The following DNAH10 variants were observed in gnomAD, a reference collection of about 807,000 sequenced individuals.
The protein encoded by DNAH10 is axonemal beta dynein heavy chain 10.
Under a neutral mutation model 506.6 loss-of-function variants are expected in DNAH10, and 348 were observed. That is an observed-to-expected ratio of 0.69 (90% CI 0.63 to 0.75). The LOEUF is 0.75. Among genes scored for constraint, DNAH10 ranks in the 30% least tolerant of loss-of-function variants. The pLI is 0.00. For missense variants in DNAH10, 5,179 were observed against 5,787.1 expected (o/e 0.89, Z 3.41); for synonymous variants, 2,059 against 2,198.6 (o/e 0.94, Z 1.78).
At chr12:123,894,418 C>T (rs111534340) in intron 53 of DNAH10, among the ~76,000 whole-genome samples, 12,966 of 152,026 alleles carry the variant, frequency 0.085, 690 homozygotes, top group Middle Eastern at 0.14. Flanking sequence ...CACTACTGCC[C>T]GGCTAATTTT....
At chr12:123,927,070 T>C in intron 69 of DNAH10, 1 of 495,754 alleles carries the variant, frequency 2.0e-6, no homozygotes, top group South Asian at 2.4e-5. Flanking sequence ...TGAGACAGGG[T>C]CTCACTCTGT....
At chr12:123,881,956 A>C in intron 51 of DNAH10, 143 bp downstream of exon 51, 1 of 813,526 alleles carries the variant, frequency 1.2e-6, no homozygotes, top group Non-Finnish European at 1.7e-6. Context: ...GGTTTGTTTT[A>C]TTTTTTCTTG....
In DNAH10 at chr12:123,875,389, T is replaced by A. The variant is rs1952213478; in HGVS notation, c.8097T>A (p.Val2699=). The change falls in exon 47 of 79, where the codon GTT becomes GTA. Residue 2699 remains valine, a synonymous_variant. Coordinates refer to ENST00000673944, the MANE Select transcript of DNAH10 (RefSeq NM_001372106.1). ...AGGCTGGAGGAGGCCGCAATGAAGT[T>A]GACCCAAGATTTATTTCGCTATTCA... ...MGKAGGGRNE[V]DPRFISLFSV... is the part of the protein sequence containing the mutation. The A allele has an allele frequency of 2.5e-6, 4 of 1,614,022 alleles. No homozygotes were observed. Among genetic ancestry groups the A allele is most frequent in the Non-Finnish European group, 3.4e-6 (4 of 1,179,896 alleles).
At chr12:123,896,111 T>TCACACACACACACACA (rs112187635) in intron 54 of DNAH10, among the ~76,000 whole-genome samples, 22 of 48,978 alleles carry the variant, frequency 4.5e-4, no homozygotes, top group Non-Finnish European at 7.6e-4. Context: ...AGACTTTATC[T>TCACACACACACACACA]CACACACACA....
chr12:123,897,283 T>C (rs1461668378), intron 54 of DNAH10, among the ~76,000 whole-genome samples: 1 of 152,228 alleles, frequency 6.6e-6, no homozygotes, highest in Non-Finnish European at 1.5e-5. Flanking sequence ...CTTTTGCTTA[T>C]TGTGATAGTC....
At position 123,796,763 on chromosome 12, in the gene DNAH10, T is replaced by C. The variant is rs1260768585; in HGVS notation, c.2094T>C (p.Phe698=). The C allele has an allele frequency of 6.2e-7, 1 of 1,614,198 alleles. No individual in the cohort carries two copies. Among genetic ancestry groups the C allele is most frequent in the Non-Finnish European group, 8.5e-7 (1 of 1,180,036 alleles). The change falls in exon 13 of 79, where the codon TTT becomes TTC. Residue 698 remains phenylalanine, a synonymous_variant. Transcript: ENST00000673944. ...TATACTGGGAACGATCTCTGTTCTT[T>C]CGGATTAAGCATACCATCCTCCGAT... ...GAIYWERSLF[F]RIKHTILRFQ... is the part of the protein sequence containing the mutation.
intron 24 of DNAH10, among the ~76,000 whole-genome samples, chr12:123,825,936 C>T (rs1959936555): frequency 6.6e-6 from 1 of 151,960 alleles, no homozygotes; most frequent in Non-Finnish European, 1.5e-5. Context: ...GCCTAGGCAA[C>T]CTAGCAAGAC....
chr12:123,809,712 C>T (rs1490317122), intron 19 of DNAH10, among the ~76,000 whole-genome samples: 1 of 151,220 alleles, frequency 6.6e-6, no homozygotes, highest in Non-Finnish European at 1.5e-5. Flanking sequence ...TGTAAACTGC[C>T]CCCACCCACC....
intron 5 of DNAH10, among the ~76,000 whole-genome samples, chr12:123,776,497 T>C (rs547402328): frequency 5.3e-5 from 8 of 151,918 alleles, no homozygotes; most frequent in Non-Finnish European, 1.2e-4. Context: ...GTGAAGTCAT[T>C]ACTGAGATGG....
Position 123,762,372 on chromosome 12 carries a change from C to A in DNAH10, c.36C>A (p.Arg12=). The change falls in exon 1 of 79, where the codon CGC becomes CGA. Residue 12 remains arginine (R), a synonymous_variant. Coordinates refer to ENST00000673944, the MANE Select transcript of DNAH10 (RefSeq NM_001372106.1). The surrounding 1 kb of genome is among the most constrained non-coding windows in gnomAD (Gnocchi z 5.0). ...DDLRVLWMRD[R]VYAAFGITDP... is the part of the protein sequence containing the mutation. ...TGCGGGTGCTGTGGATGCGCGACCG[C>A]GTGTATGCGGCTTTCGGCATCACCG... The A allele has an allele frequency of 7.3e-7, 1 of 1,373,300 alleles. No individual in the cohort carries two copies. The highest frequency in any genetic ancestry group is 9.4e-7 in the Non-Finnish European group (1 of 1,059,774). 85.1% of individuals were successfully genotyped at this position (1,373,300 alleles called of 1,614,324 possible).
rs373139770 is a variant in DNAH10, at chr12:123,857,088, G to A, written c.6471G>A (p.Met2157Ile). The change falls in exon 37 of 79, where the codon ATG (methionine) becomes ATA (isoleucine). Residue 2157 changes from methionine (M) to isoleucine (I), a missense_variant. Physicochemically the swap from Met to Ile is conservative, Grantham distance 10. This residue lies in a region of DNAH10 where 4,844 missense variants were observed against 5,430.5 expected (regional missense o/e 0.89). Coordinates refer to ENST00000673944, the MANE Select transcript of DNAH10 (RefSeq NM_001372106.1). ...DVVLMRALRD[M>I]NLPKFVFEDV... ...TGCTGATGAGGGCCTTGCGAGACAT[G>A]AACTTGCCCAAATTTGTGTTTGAAG... 2 of 1,613,128 alleles carry A rather than the reference G, an allele frequency of 1.2e-6. No individual in the cohort carries two copies. Among genetic ancestry groups the A allele is most frequent in the Admixed American group, 3.3e-5 (2 of 59,844 alleles).
chr12:123,922,575 A>G (rs902176064), intron 65 of DNAH10, among the ~76,000 whole-genome samples: 1 of 152,178 alleles, frequency 6.6e-6, no homozygotes, highest in African/African-American at 2.4e-5. Flanking sequence ...CATGCCTGCC[A>G]TAACAAAATA....
Position 123,844,079 on chromosome 12 carries a change from A to G in DNAH10, c.5361-1521A>G, listed in dbSNP as rs149812426. ...CGCATGGCTGGGGAGGCCTCAGGAAACTTACAGTCATGGCGGAAGACAAAG... is the reference window on the plus strand; with the variant it reads ...CGCATGGCTGGGGAGGCCTCAGGAAGCTTACAGTCATGGCGGAAGACAAAG... On this transcript the variant is annotated intron_variant, in intron 30 of 78. Coordinates refer to ENST00000673944, the MANE Select transcript of DNAH10 (RefSeq NM_001372106.1). Among the ~76,000 whole-genome samples, 463 of 152,336 alleles carry G rather than the reference A, an allele frequency of 3.0e-3. 1 individual carries two copies. The highest frequency in any genetic ancestry group is 1.0e-2 in the African/African-American group (414 of 41,584).
At chr12:123,904,522 T>C (rs1037234736) in intron 57 of DNAH10, among the ~76,000 whole-genome samples, 2 of 151,312 alleles carry the variant, frequency 1.3e-5, no homozygotes, top group African/African-American at 2.4e-5. Context: ...GGTGGAGGAG[T>C]GGGGGGGAGC....
At chr12:123,820,935 T>C (rs1959330856) in intron 24 of DNAH10, among the ~76,000 whole-genome samples, 177 bp downstream of exon 24, 1 of 152,196 alleles carries the variant, frequency 6.6e-6, no homozygotes, top group African/African-American at 2.4e-5. Context: ...GTACAGGGTT[T>C]CCATTTGGGG....
chr12:123,921,361 C>T (rs111821796), intron 65 of DNAH10, among the ~76,000 whole-genome samples: 2,052 of 152,350 alleles, frequency 0.013, 19 homozygotes, highest in Middle Eastern at 0.027. Flanking sequence ...ATTTTCAGTA[C>T]GGTTTACCCT....
rs773920341 is a variant in DNAH10, at chr12:123,930,543, C to T, written c.12754C>T (p.Pro4252Ser). 1 of 1,602,840 alleles carries T rather than the reference C, an allele frequency of 6.2e-7. No homozygotes were observed. The change falls in exon 73 of 79, where the codon CCT becomes TCT. Residue 4252 changes from proline (P) to serine (S), a missense_variant. By Grantham distance (74) the Pro-to-Ser change is moderately conservative. Around this residue, in one of 3 missense-constraint regions of DNAH10, gnomAD observed 4,844 missense variants for 5,430.5 expected, o/e 0.89. Transcript: ENST00000673944. ...FRNKEVDYKI[P>S]VGDEKEKFVE... ...GAACAAGGAAGTGGACTACAAAATCCCTGTTGGTGATGAAAAGGAGAAATT... is the reference window on the plus strand; with the variant it reads ...GAACAAGGAAGTGGACTACAAAATCTCTGTTGGTGATGAAAAGGAGAAATT...
intron 75 of DNAH10, 43 bp from the exon 76 acceptor site, chr12:123,931,898 G>C: frequency 1.2e-6 from 2 of 1,612,758 alleles, no homozygotes; most frequent in Non-Finnish European, 1.7e-6. Context: ...TGGCACCTGG[G>C]GTTCTGATAG....
chr12:123,813,799 C>G lies in DNAH10; in HGVS notation c.3667C>G (p.Leu1223Val). Residue 1223 changes from leucine (L) to valine (V), a missense_variant, in exon 21 of 79, where the codon CTC becomes GTC. By Grantham distance (32) the Leu-to-Val change is conservative. Coordinates refer to ENST00000673944, the MANE Select transcript of DNAH10 (RefSeq NM_001372106.1). ...GAAGATCCCCAATACCCTTGAAGAT[C>G]TCAAGTTTGTCCTTGCAACAATTGC... is the stretch of plus-strand genomic sequence containing the variant. ...LRKIPNTLED[L>V]KFVLATIAEI... 1 of 1,613,164 alleles carries G rather than the reference C, an allele frequency of 6.2e-7. No individual in the cohort carries two copies. Among genetic ancestry groups the G allele is most frequent in the Non-Finnish European group, 8.5e-7 (1 of 1,179,770 alleles).
Sources: allele counts gnomAD v4.1 joint callset (sites outside exome capture counted in the v4.1 genomes callset), GRCh38; gene constraint gnomAD v4.1.1; regional missense constraint gnomAD v4.1.1; non-coding constraint Gnocchi (gnomAD v3.1); transcripts MANE v1.5; gene names NCBI Gene and HGNC (gene_info 2026-07-23, HGNC 2026-07-21).